The following STXBP5L variants were observed in gnomAD, a reference collection of about 807,000 sequenced individuals.
STXBP5L encodes syntaxin binding protein 5L, also known as syntaxin-binding protein 5-like.
A neutral mutation model predicts 144.5 loss-of-function variants in STXBP5L; 65 were observed. The ratio of observed to expected loss-of-function variants is 0.45; its 90% CI spans 0.37 to 0.55. The LOEUF (loss-of-function observed/expected upper bound fraction) is 0.55. Ranked by LOEUF, STXBP5L falls within the 20% of genes least tolerant of loss-of-function variation. The pLI, the probability that STXBP5L is intolerant of heterozygous loss-of-function variation, is 0.00. For missense variants in STXBP5L, 1,298 were observed against 1,405.5 expected (o/e 0.92, Z 1.22); for synonymous variants, 505 against 469.6 (o/e 1.08, Z -0.97).
chr3:120,952,014 A>G (rs1711274275), intron 2 of STXBP5L, among the ~76,000 whole-genome samples: 1 of 151,892 alleles, frequency 6.6e-6, no homozygotes, highest in East Asian at 1.9e-4. Context: ...AGGGACATGG[A>G]TGAAACTGGA....
intron 9 of STXBP5L, among the ~76,000 whole-genome samples, chr3:121,182,473 T>A (rs1321064096): frequency 6.6e-6 from 1 of 152,102 alleles, no homozygotes; most frequent in Non-Finnish European, 1.5e-5. Context: ...TTAAACTAAA[T>A]GATAATCATT....
Position 121,367,790 on chromosome 3 carries a change from C to T in STXBP5L, c.2177-10926C>T, listed in dbSNP as rs868348249. Among the ~76,000 whole-genome samples, 482 of 106,266 alleles carry T rather than the reference C, an allele frequency of 4.5e-3. 6 individuals carry two copies. The highest frequency in any genetic ancestry group is 0.017 in the African/African-American group (449 of 26,470). The allele number at this position is 106,266 out of a possible 152,430, so 69.7% of individuals were successfully genotyped here. On this transcript the variant is annotated intron_variant, in intron 20 of 26. Coordinates refer to ENST00000471454, the MANE Select transcript of STXBP5L (RefSeq NM_001308330.2). ...CACTTGGCTAATTTTTTTGCTTTTC[C>T]TTTTTTTTTTTTTTTGTAGAGACCA...
intron 19 of STXBP5L, chr3:121,282,416 ATG>A: frequency 7.1e-7 from 1 of 1,399,688 alleles, no homozygotes; most frequent in Non-Finnish European, 9.9e-7. Flanking sequence ...GTGCTCAGTA[ATG>A]TGTTTCTTAA....
chr3:120,911,073 G>A (rs768743056), intron 2 of STXBP5L, among the ~76,000 whole-genome samples: 1 of 151,994 alleles, frequency 6.6e-6, no homozygotes, highest in Non-Finnish European at 1.5e-5. Context: ...CAATTTTCAC[G>A]ATCAGATTCT....
At chr3:121,355,243 A>G (rs534436096) in intron 20 of STXBP5L, among the ~76,000 whole-genome samples, 8 of 152,212 alleles carry the variant, frequency 5.3e-5, no homozygotes, top group South Asian at 2.1e-4. Flanking sequence ...TGCCTTGCTA[A>G]GTTGGGGAAG....
intron 5 of STXBP5L, among the ~76,000 whole-genome samples, chr3:121,087,600 G>C (rs1240844806): frequency 6.6e-6 from 1 of 152,012 alleles, no homozygotes; most frequent in Non-Finnish European, 1.5e-5. Context: ...CAAGCGTATA[G>C]TTGGGTCATG....
At chr3:121,066,366 A>G (rs113864674) in intron 5 of STXBP5L, among the ~76,000 whole-genome samples, 101 of 148,804 alleles carry the variant, frequency 6.8e-4, no homozygotes, top group African/African-American at 2.5e-3. Flanking sequence ...ATAAGCGTAT[A>G]TATATATATA....
chr3:121,171,508 G>C (rs970654246), intron 9 of STXBP5L, among the ~76,000 whole-genome samples: 1 of 152,120 alleles, frequency 6.6e-6, no homozygotes, highest in Non-Finnish European at 1.5e-5. Context: ...CTTAAGCAAA[G>C]TCTCAGAATA....
At chr3:121,171,705 C>A (rs988261711) in intron 9 of STXBP5L, among the ~76,000 whole-genome samples, 1 of 152,130 alleles carries the variant, frequency 6.6e-6, no homozygotes, top group Non-Finnish European at 1.5e-5. Flanking sequence ...GGAGAGAACA[C>A]AAACAAATGG....
chr3:121,400,717 T>A (rs1366101357), intron 22 of STXBP5L, among the ~76,000 whole-genome samples: 1 of 152,124 alleles, frequency 6.6e-6, no homozygotes, highest in African/African-American at 2.4e-5. Flanking sequence ...CTCCCTCAGG[T>A]CTGGTCTGGA....
chr3:121,106,462 TC>T (rs1342941480), intron 5 of STXBP5L, among the ~76,000 whole-genome samples: 2 of 152,160 alleles, frequency 1.3e-5, no homozygotes, highest in Admixed American at 6.5e-5. Flanking sequence ...TTCTCATTGT[TC>T]AGCTCCTACT....
intron 2 of STXBP5L, among the ~76,000 whole-genome samples, chr3:120,932,929 C>G (rs916095078): frequency 1.7e-4 from 26 of 151,536 alleles, no homozygotes; most frequent in African/African-American, 5.8e-4. Flanking sequence ...CCATCATTCT[C>G]AGTAAACTAT....
chr3:121,229,110 A>T (rs980721445), intron 11 of STXBP5L, among the ~76,000 whole-genome samples: 1 of 152,176 alleles, frequency 6.6e-6, no homozygotes, highest in East Asian at 1.9e-4. Context: ...GATTACTGAG[A>T]CACCCTGCCT....
intron 9 of STXBP5L, chr3:121,157,921 A>C (rs1323900379): frequency 7.7e-6 from 2 of 258,694 alleles, no homozygotes; most frequent in African/African-American, 4.6e-5. Flanking sequence ...TAATATAGGA[A>C]ATTTTGTCAC....
chr3:121,407,234 T>G lies in STXBP5L; in HGVS notation c.2588-9T>G, dbSNP rs775382660. 6.5e-7 allele frequency: 1 copy of G among 1,536,286 alleles called. No homozygotes were observed. Among genetic ancestry groups the G allele is most frequent in the Non-Finnish European group, 8.7e-7 (1 of 1,145,818 alleles). On this transcript the variant is annotated splice_polypyrimidine_tract_variant and intron_variant, in intron 22 of 26. Coordinates refer to ENST00000471454, the MANE Select transcript of STXBP5L (RefSeq NM_001308330.2). Reference sequence around the variant, plus strand: ...TTGACATGTCAGTGATGTCCAATTGTTTTTATAGGTACATTCCTCTCATTG... The same window carrying G: ...TTGACATGTCAGTGATGTCCAATTGGTTTTATAGGTACATTCCTCTCATTG...
At chr3:121,142,315 G>A (rs2107944488) in intron 7 of STXBP5L, among the ~76,000 whole-genome samples, 1 of 152,058 alleles carries the variant, frequency 6.6e-6, no homozygotes, top group African/African-American at 2.4e-5. Context: ...CATAGTAAGA[G>A]ACTTCAGTAC....
chr3:121,104,245 A>G (rs1159408372), intron 5 of STXBP5L, among the ~76,000 whole-genome samples: 1 of 152,194 alleles, frequency 6.6e-6, no homozygotes, highest in East Asian at 1.9e-4. Context: ...TCAAGAAATA[A>G]TAGAATACAA....
intron 20 of STXBP5L, among the ~76,000 whole-genome samples, chr3:121,367,611 T>TG (rs1163226366): frequency 1.1e-4 from 16 of 142,072 alleles, no homozygotes; most frequent in Non-Finnish European, 2.4e-4. Flanking sequence ...TTTTTTTTTT[T>TG]TTTTTTTTTT....
chr3:120,948,712 G>C (rs1711008652), intron 2 of STXBP5L, among the ~76,000 whole-genome samples: 1 of 151,792 alleles, frequency 6.6e-6, no homozygotes, highest in African/African-American at 2.4e-5. Flanking sequence ...ACTCCACCCA[G>C]GTTTCTGTAA....
Sources: gnomAD v4.1 joint callset for allele counts (sites outside exome capture counted in the v4.1 genomes callset) on GRCh38, gnomAD v4.1.1 for gene constraint, MANE v1.5 for transcripts, NCBI Gene and HGNC (gene_info 2026-07-23, HGNC 2026-07-21) for gene names.